ZNF99: variants seen among roughly 807,000 people sequenced by gnomAD.
The protein encoded by ZNF99 is zinc finger protein 99.
In ZNF99, 8 loss-of-function variants were observed where a neutral mutation model predicts 12.8. That is an observed-to-expected ratio of 0.62 (90% CI 0.37 to 1.13). The LOEUF (loss-of-function observed/expected upper bound fraction) is 1.13. ZNF99 is among the 50% of genes most tolerant of loss of function. The pLI, the probability that ZNF99 is intolerant of heterozygous loss-of-function variation, is 0.02. For synonymous variants in ZNF99, 318 were observed against 319.0 expected (o/e 1.00, Z 0.03); for missense variants, 1,007 against 1,006.2 (o/e 1.00, Z -0.01).
At chr19:22,763,340 C>T (rs550770027) in intron 3 of ZNF99, among the ~76,000 whole-genome samples, 2 of 151,660 alleles carry the variant, frequency 1.3e-5, no homozygotes, top group African/African-American at 2.4e-5. Flanking sequence ...ACACCAACAG[C>T]GACGAAGCAG....
intron 1 of ZNF99, among the ~76,000 whole-genome samples, chr19:22,771,897 T>A (rs1973276872): frequency 6.8e-6 from 1 of 147,506 alleles, no homozygotes; most frequent in African/African-American, 2.5e-5. Context: ...TTTGTATTTT[T>A]AGTAGAGACA....
In ZNF99 at chr19:22,769,222, T is replaced by A; in HGVS notation, c.106A>T (p.Asn36Tyr). The A allele has an allele frequency of 6.2e-7, 1 of 1,608,724 alleles. No homozygotes were observed. Residue 36 changes from asparagine to tyrosine, a missense_variant, in exon 2 of 4, where the codon AAC (asparagine) becomes TAC (tyrosine). Asn to Tyr is a moderately radical substitution (Grantham distance 143). Coordinates refer to ENST00000596209, the MANE Select transcript of ZNF99 (RefSeq NM_001080409.3). ...QNLYRNVMLE[N>Y]YRNLVFLGIA... Reference sequence around the variant, plus strand: ...CCCAGGAAGACCAGGTTTCTGTAGTTCTCTAACATAACATTCCTATATAAA... The same window carrying A: ...CCCAGGAAGACCAGGTTTCTGTAGTACTCTAACATAACATTCCTATATAAA...
Position 22,754,081 on chromosome 19 carries a change from GCT to G in ZNF99, c.*3231_*3232del, listed in dbSNP as rs1319689168. 2 of 454,610 alleles carry G rather than the reference GCT, an allele frequency of 4.4e-6. No individual in the cohort carries two copies. Among genetic ancestry groups the G allele is most frequent in the African/African-American group, 4.0e-5 (2 of 49,758 alleles). The allele number at this position is 454,610 out of a possible 1,614,324, so 28.2% of individuals were successfully genotyped here. A position where few individuals can be genotyped will look rare whatever the true frequency, so the allele number is the denominator to read the frequency against. On this transcript the variant is annotated 3_prime_UTR_variant, in exon 4 of 4. Transcript: ENST00000596209. ...TAAAAACTTTGCCACATTCGACCGG[GCT>G]CAATGGCTCATGCTTGTAATCCCAG...
chr19:22,775,079 AC>A (rs1273490918), intron 1 of ZNF99, among the ~76,000 whole-genome samples: 2 of 152,198 alleles, frequency 1.3e-5, no homozygotes, highest in African/African-American at 2.4e-5. Flanking sequence ...TTCATATGGA[AC>A]CATAAAAGAG....
intron 3 of ZNF99, among the ~76,000 whole-genome samples, chr19:22,764,449 G>C (rs1472552506): frequency 1.3e-5 from 2 of 151,976 alleles, no homozygotes; most frequent in Non-Finnish European, 2.9e-5. Context: ...CATAAATTAG[G>C]GAGGGTTTTC....
Position 22,755,073 on chromosome 19 carries a change from C to CAAAAAAA in ZNF99, c.*2234_*2240dup. 6.9e-6 allele frequency: 1 copy of CAAAAAAA among 144,392 alleles called. No homozygotes were observed. The highest frequency in any genetic ancestry group is 1.4e-5 in the Non-Finnish European group (1 of 69,624). 8.9% of individuals were successfully genotyped at this position (144,392 alleles called of 1,614,324 possible). A position where few individuals can be genotyped will look rare whatever the true frequency, so the allele number is the denominator to read the frequency against. On this transcript the variant is annotated 3_prime_UTR_variant, in exon 4 of 4. Coordinates refer to ENST00000596209, the MANE Select transcript of ZNF99 (RefSeq NM_001080409.3). ...GGGCAACTAGGGCGAAACTCTGTTT[C>CAAAAAAA]AAAAAAAAAAAAAAAAAAATTGAAG...
intron 1 of ZNF99, among the ~76,000 whole-genome samples, chr19:22,773,342 A>T (rs1245067877): frequency 6.6e-6 from 1 of 152,250 alleles, no homozygotes; most frequent in African/African-American, 2.4e-5. Flanking sequence ...AACAGACATA[A>T]AACTGTTGTA....
In ZNF99 at chr19:22,769,958, T is replaced by C. The variant is rs772900635; in HGVS notation, c.4-634A>G. On this transcript the variant is annotated intron_variant, in intron 1 of 3. Transcript: ENST00000596209. ...TTTAAATCATACAGAATAAGTCTTG[T>C]ACATTTTTCAGACCAAAAAGACATG... 6 of 1,362,016 alleles carry C rather than the reference T, an allele frequency of 4.4e-6. No homozygotes were observed. The African/African-American group carries it at 4.4e-5, about 10-fold the overall frequency. The allele number at this position is 1,362,016 out of a possible 1,614,324, so 84.4% of individuals were successfully genotyped here. A position where few individuals can be genotyped will look rare whatever the true frequency, so the allele number is the denominator to read the frequency against.
chr19:22,781,294 C>T (rs1291969082), intron 1 of ZNF99, among the ~76,000 whole-genome samples: 1 of 151,936 alleles, frequency 6.6e-6, no homozygotes, highest in Non-Finnish European at 1.5e-5. Context: ...CCACCCCATT[C>T]TCCTCACTTA....
intron 3 of ZNF99, among the ~76,000 whole-genome samples, chr19:22,761,091 CA>C (rs1234895377): frequency 1.3e-5 from 2 of 150,932 alleles, no homozygotes; most frequent in Non-Finnish European, 3.0e-5. Flanking sequence ...ATGGCCCAAT[CA>C]AAAAAAGTAT....
Position 22,756,519 on chromosome 19 carries a change from G to A in ZNF99, c.*795C>T, listed in dbSNP as rs373617384. ...GGCGTGAGAAATGGCTAAAAGCTTTGCCACGTTCTTCACATTTGTAGGGTT... is the reference window on the plus strand; with the variant it reads ...GGCGTGAGAAATGGCTAAAAGCTTTACCACGTTCTTCACATTTGTAGGGTT... On this transcript the variant is annotated 3_prime_UTR_variant, in exon 4 of 4. Transcript: ENST00000596209. The A allele has an allele frequency of 4.4e-6, 7 of 1,595,234 alleles. No homozygotes were observed. In the East Asian group the frequency reaches 1.1e-4, roughly 26 times the overall value.
chr19:22,775,378 C>G (rs1187703784), intron 1 of ZNF99, among the ~76,000 whole-genome samples: 1 of 152,064 alleles, frequency 6.6e-6, no homozygotes, highest in Non-Finnish European at 1.5e-5. Flanking sequence ...AAACTGGACC[C>G]CTTCCTTACA....
At chr19:22,771,412 CGCCCG>C (rs1973269157) in intron 1 of ZNF99, among the ~76,000 whole-genome samples, 1 of 151,246 alleles carries the variant, frequency 6.6e-6, no homozygotes, top group African/African-American at 2.4e-5. Context: ...CCCGCCACCA[CGCCCG>C]GCTAATTTTT....
At chr19:22,780,856 T>G (rs918624457) in intron 1 of ZNF99, among the ~76,000 whole-genome samples, 1 of 150,908 alleles carries the variant, frequency 6.6e-6, no homozygotes, top group African/African-American at 2.4e-5. Context: ...GATGTTTTCA[T>G]GAATCTAAGG....
rs7254924 is a variant in ZNF99, at chr19:22,780,549, G to A, written c.3+3465C>T. ...TCTCTACTAAAAATACAAAATTAGC[G>A]GCGTGGTGGCACATATCTGTAATCC... On this transcript the variant is annotated intron_variant, in intron 1 of 3. Transcript: ENST00000596209. Among the ~76,000 whole-genome samples the A allele has an allele frequency of 1.5e-3, 231 of 152,084 alleles. 1 individual carries two copies. Among genetic ancestry groups the A allele is most frequent in the African/African-American group, 5.4e-3 (222 of 41,480 alleles).
chr19:22,756,245 A>C lies in ZNF99; in HGVS notation c.*1069T>G, dbSNP rs1217604044. ...AGTATGAATTATCTTATGTTTAGTA[A>C]GGGCTGAAAGATGGTTAAAAGCTTT... On this transcript the variant is annotated 3_prime_UTR_variant, in exon 4 of 4. Coordinates refer to ENST00000596209, the MANE Select transcript of ZNF99 (RefSeq NM_001080409.3). The C allele has an allele frequency of 1.9e-6, 3 of 1,572,584 alleles. 1 individual carries two copies. The highest frequency in any genetic ancestry group is 3.1e-5 in the African/African-American group (2 of 64,356).
chr19:22,773,990 G>C (rs1234603267), intron 1 of ZNF99: 1 of 153,226 alleles, frequency 6.5e-6, no homozygotes, highest in Non-Finnish European at 1.5e-5. Context: ...AACCACTGCT[G>C]GATTTCCAAC....
In ZNF99 at chr19:22,759,430, G is replaced by T. The variant is rs1973125323; in HGVS notation, c.479C>A (p.Ser160Ter). The change falls in exon 4 of 4, where the codon TCA (serine) becomes TAA (stop). Residue 160 changes from serine to a stop codon, truncating the protein, a stop_gained. Transcript: ENST00000596209. LOFTEE classifies it low-confidence loss of function (END_TRUNC). ...AGTGTGTCTAATCTTATATCTATTT[G>T]AATTTGAATATTTATGAAAGACTTT... ...YVKVFHKYSN[S>*]NRYKIRHTKK... 6.3e-7 allele frequency: 1 copy of T among 1,587,768 alleles called. No homozygotes were observed. Among genetic ancestry groups the T allele is most frequent in the Non-Finnish European group, 8.6e-7 (1 of 1,167,036 alleles).
intron 3 of ZNF99, among the ~76,000 whole-genome samples, chr19:22,763,904 CTTTTTTTTT>C (rs965211065): frequency 1.8e-4 from 18 of 101,686 alleles, no homozygotes; most frequent in Non-Finnish European, 2.5e-4. Flanking sequence ...TTTTTCTTTC[CTTTTTTTTT>C]TTTTTTTTTT....
Sources: allele counts gnomAD v4.1 joint callset (sites outside exome capture counted in the v4.1 genomes callset), GRCh38; gene constraint gnomAD v4.1.1; transcripts MANE v1.5; gene names NCBI Gene and HGNC (gene_info 2026-07-23, HGNC 2026-07-21).